Variants in ERBB4 observed in about 807,000 individuals in gnomAD.
ERBB4 encodes the protein erb-b2 receptor tyrosine kinase 4.
ERBB4 carries 42 observed loss-of-function variants against 158.0 expected under a neutral mutation model. That is an observed-to-expected ratio of 0.27 (90% CI 0.21 to 0.34). ERBB4 has a LOEUF of 0.34. ERBB4 is among the 10% of genes least tolerant of loss of function. The probability of loss-of-function intolerance (pLI) is 1.00; values close to 1 mark genes in which losing one functional copy is unlikely to be tolerated. For missense variants in ERBB4, 1,333 were observed against 1,624.1 expected, an observed-to-expected ratio of 0.82 and a Z score of 3.08; for synonymous variants, 583 against 558.7, an observed-to-expected ratio of 1.04 and a Z score of -0.61.
At chr2:211,584,131 C>A (rs989806167) in intron 19 of ERBB4, among the ~76,000 whole-genome samples, 1 of 151,188 alleles carries the variant, frequency 6.6e-6, no homozygotes, top group East Asian at 1.9e-4. Context: ...TATAAACTGA[C>A]ATGTTTTCAA....
Position 211,910,111 on chromosome 2 carries a change from G to A in ERBB4, c.421+37319C>T, listed in dbSNP as rs111359898. Among the ~76,000 whole-genome samples the A allele has an allele frequency of 9.4e-3, 1,423 of 151,324 alleles. 36 individuals are homozygous for A. Among genetic ancestry groups the A allele is most frequent in the African/African-American group, 0.033 (1,351 of 41,404 alleles). On this transcript the variant is annotated intron_variant, in intron 3 of 27. Coordinates refer to ENST00000342788, the MANE Select transcript of ERBB4 (RefSeq NM_005235.3). ...ATTTTCGTATTTTTAGTAGAGACAG[G>A]GTTTCACCATGTTGCCCAGGTTGGT... is the stretch of plus-strand genomic sequence containing the variant.
intron 1 of ERBB4, among the ~76,000 whole-genome samples, chr2:212,351,107 GC>G (rs1425120720): frequency 2.6e-5 from 4 of 152,128 alleles, no homozygotes; most frequent in Non-Finnish European, 5.9e-5. Flanking sequence ...TGTACTTGGA[GC>G]CTTTAAAGAG....
chr2:211,709,286 T>G (rs1177404551), intron 9 of ERBB4, among the ~76,000 whole-genome samples: 1 of 143,736 alleles, frequency 7.0e-6, no homozygotes, highest in Non-Finnish European at 1.5e-5. Flanking sequence ...CATACATATA[T>G]ATATACATAT....
chr2:211,953,762 A>G (rs1044295993), intron 2 of ERBB4, among the ~76,000 whole-genome samples: 1 of 152,050 alleles, frequency 6.6e-6, no homozygotes, highest in Non-Finnish European at 1.5e-5. Context: ...CCAAGGGACA[A>G]TTTGTTTTGC....
intron 4 of ERBB4, among the ~76,000 whole-genome samples, chr2:211,775,570 T>C (rs1238294902): frequency 6.6e-6 from 1 of 152,192 alleles, no homozygotes; most frequent in Non-Finnish European, 1.5e-5. Context: ...GCCAGATGCT[T>C]TGGGTTAAGC....
chr2:212,298,720 G>A (rs909953658), intron 1 of ERBB4, among the ~76,000 whole-genome samples: 13 of 151,646 alleles, frequency 8.6e-5, no homozygotes, highest in African/African-American at 3.1e-4. Flanking sequence ...TAAAGAACAT[G>A]CTTTTTGCAG....
At chr2:211,906,849 T>C (rs1207673777) in intron 3 of ERBB4, among the ~76,000 whole-genome samples, 1 of 151,664 alleles carries the variant, frequency 6.6e-6, no homozygotes, top group African/African-American at 2.4e-5. Context: ...GATAATGGCA[T>C]CTTGTCTTTT....
chr2:212,041,671 T>C (rs968136326), intron 2 of ERBB4, among the ~76,000 whole-genome samples: 4 of 151,538 alleles, frequency 2.6e-5, no homozygotes, highest in African/African-American at 9.7e-5. Context: ...TAGTAAATTA[T>C]GAAAAAGGGA....
At chr2:211,495,433 GA>G (rs2065445672) in intron 20 of ERBB4, among the ~76,000 whole-genome samples, 1 of 151,984 alleles carries the variant, frequency 6.6e-6, no homozygotes, top group African/African-American at 2.4e-5. Flanking sequence ...TTTGTATAAG[GA>G]TATGTAAAAA....
At chr2:211,900,822 C>A (rs985929612) in intron 3 of ERBB4, among the ~76,000 whole-genome samples, 1 of 152,054 alleles carries the variant, frequency 6.6e-6, no homozygotes, top group Non-Finnish European at 1.5e-5. Flanking sequence ...TGTAAACACT[C>A]AATTACTGAA....
intron 1 of ERBB4, among the ~76,000 whole-genome samples, chr2:212,272,623 T>C (rs940104332): frequency 6.6e-6 from 1 of 151,822 alleles, no homozygotes; most frequent in African/African-American, 2.4e-5. Flanking sequence ...TGGGTTAAGC[T>C]ATTAGGAATA....
At chr2:211,561,604 G>A (rs868347478) in intron 20 of ERBB4, among the ~76,000 whole-genome samples, 3 of 152,020 alleles carry the variant, frequency 2.0e-5, no homozygotes, top group Admixed American at 6.6e-5. Context: ...AGACTATACC[G>A]AAACAAATAA....
intron 3 of ERBB4, among the ~76,000 whole-genome samples, chr2:211,926,831 C>T (rs143263014): frequency 1.2e-4 from 19 of 152,188 alleles, no homozygotes; most frequent in African/African-American, 4.6e-4. Context: ...CCCTCTTTGA[C>T]CAGCATACCA....
At chr2:212,270,438 G>A (rs778553328) in intron 1 of ERBB4, among the ~76,000 whole-genome samples, 7 of 151,460 alleles carry the variant, frequency 4.6e-5, no homozygotes, top group African/African-American at 1.5e-4. Flanking sequence ...TTTTTACCTC[G>A]CATTCTCTCA....
intron 27 of ERBB4, among the ~76,000 whole-genome samples, chr2:211,384,496 T>C (rs1382536621): frequency 1.3e-5 from 2 of 152,184 alleles, no homozygotes; most frequent in Non-Finnish European, 2.9e-5. Flanking sequence ...CTGAGTTCCA[T>C]GCCAAGATGA....
chr2:212,317,679 C>T (rs2087352521), intron 1 of ERBB4, among the ~76,000 whole-genome samples: 1 of 151,494 alleles, frequency 6.6e-6, no homozygotes, highest in Non-Finnish European at 1.5e-5. Flanking sequence ...GTATCCAGTC[C>T]AGTCCCATGC....
At chr2:212,203,995 A>C (rs13432680) in intron 1 of ERBB4, among the ~76,000 whole-genome samples, 52,784 of 152,160 alleles carry the variant, frequency 0.35, 11,319 homozygotes, top group East Asian at 0.76. Context: ...TTGATTTGTC[A>C]AAAGTTAGTC....
At position 212,077,927 on chromosome 2, in the gene ERBB4, A is replaced by C. The variant is rs1407854934; in HGVS notation, c.234+46825T>G. Among the ~76,000 whole-genome samples the C allele has an allele frequency of 2.0e-5, 3 of 152,038 alleles. No homozygotes were observed. The East Asian group carries it at 5.8e-4, about 29-fold the overall frequency. On this transcript the variant is annotated intron_variant, in intron 2 of 27. Coordinates refer to ENST00000342788, the MANE Select transcript of ERBB4 (RefSeq NM_005235.3). ...GAACAAAGCCTATTATTCTGGTGGC[A>C]TTCAGCAATTACCAAATAATAAAAT...
chr2:212,489,757 C>A (rs993969951), intron 1 of ERBB4, among the ~76,000 whole-genome samples: 1 of 151,024 alleles, frequency 6.6e-6, no homozygotes, highest in African/African-American at 2.4e-5. Context: ...AAGAACAGTT[C>A]AGCAGAGTTC....
Sources: gnomAD v4.1 joint callset for allele counts (sites outside exome capture counted in the v4.1 genomes callset) on GRCh38, gnomAD v4.1.1 for gene constraint, MANE v1.5 for transcripts, NCBI Gene and HGNC (gene_info 2026-07-23, HGNC 2026-07-21) for gene names.